Variants in BRD10 observed in about 807,000 individuals in gnomAD.
BRD10 encodes bromodomain containing 10.
the BRD10 span, among the ~76,000 whole-genome samples, chr9:5,945,884 T>C: frequency 6.6e-6 from 1 of 152,092 alleles, no homozygotes; most frequent in African/African-American, 2.4e-5. Context: ...CTTATTGTAA[T>C]GTTTATACCA....
At chr9:5,920,139 C>A in the BRD10 span, 1 of 1,613,870 alleles carries the variant, frequency 6.2e-7, no homozygotes, top group Admixed American at 1.7e-5. Flanking sequence ...AGAGGTTGGC[C>A]ACTTAAGGAA....
At chr9:5,961,040 AG>A in the BRD10 span, among the ~76,000 whole-genome samples, 7 of 152,226 alleles carry the variant, frequency 4.6e-5, no homozygotes, top group Non-Finnish European at 8.8e-5. Context: ...AGTTAGTTTT[AG>A]TTACATCTAG....
chr9:5,907,048 C>T, the BRD10 span: 2 of 1,185,250 alleles, frequency 1.7e-6, no homozygotes, highest in South Asian at 2.9e-5. Context: ...CTGTTTTTAA[C>T]TCAAGTGAAT....
At chr9:5,942,533 T>C in the BRD10 span, among the ~76,000 whole-genome samples, 8 of 152,248 alleles carry the variant, frequency 5.3e-5, no homozygotes, top group Non-Finnish European at 1.2e-4. Flanking sequence ...TAAGGAACAA[T>C]AGATGCAAAC....
chr9:5,922,360 C>A, the BRD10 span: 1 of 1,613,930 alleles, frequency 6.2e-7, no homozygotes. Flanking sequence ...AAACTGCATT[C>A]TTGGCTTTTC....
the BRD10 span, among the ~76,000 whole-genome samples, chr9:5,912,005 GTCTT>G: frequency 1.3e-5 from 2 of 152,152 alleles, no homozygotes; most frequent in Non-Finnish European, 2.9e-5. Flanking sequence ...CAATAATTGA[GTCTT>G]TCAATCTGTA....
chr9:5,879,580 C>T, the BRD10 span, among the ~76,000 whole-genome samples: 1 of 152,124 alleles, frequency 6.6e-6, no homozygotes, highest in Admixed American at 6.5e-5. Flanking sequence ...CCTTGATGAC[C>T]GCCCACACTG....
the BRD10 span, chr9:5,910,689 A>G: frequency 2.6e-5 from 4 of 152,344 alleles, no homozygotes; most frequent in Middle Eastern, 3.4e-3. Context: ...GGTGATGGAC[A>G]TGGAGACTTG....
chr9:5,883,014 T>TG, the BRD10 span, among the ~76,000 whole-genome samples: 1 of 150,674 alleles, frequency 6.6e-6, no homozygotes, highest in African/African-American at 2.5e-5. Flanking sequence ...TGTTGTGGAG[T>TG]GGGGGGCTGG....
the BRD10 span, among the ~76,000 whole-genome samples, chr9:5,910,861 GTGT>G: frequency 6.6e-6 from 1 of 152,230 alleles, no homozygotes; most frequent in African/African-American, 2.4e-5. Flanking sequence ...TGGGAGCCAT[GTGT>G]TAAGGATGGA....
chr9:5,928,899 A>G, the BRD10 span: 33 of 480,494 alleles, frequency 6.9e-5, no homozygotes, highest in African/African-American at 5.6e-4. Flanking sequence ...AGGGCTTAGA[A>G]AGAGCCTTGC....
chr9:5,892,458 T>G, the BRD10 span: 1 of 1,609,946 alleles, frequency 6.2e-7, no homozygotes, highest in Non-Finnish European at 8.5e-7. Flanking sequence ...AGGTGTCCTG[T>G]GCCCTGACCC....
At chr9:5,921,280 A>T in the BRD10 span, 6 of 1,613,998 alleles carry the variant, frequency 3.7e-6, no homozygotes, top group East Asian at 2.2e-5. Context: ...CAATTTTCAC[A>T]TCCTTTATCT....
chr9:5,990,028 A>G, the BRD10 span, among the ~76,000 whole-genome samples: 2 of 152,216 alleles, frequency 1.3e-5, no homozygotes, highest in African/African-American at 4.8e-5. Context: ...TTATACGGTG[A>G]TAACACTATA....
At chr9:5,892,039 A>T in the BRD10 span, among the ~76,000 whole-genome samples, 1 of 152,206 alleles carries the variant, frequency 6.6e-6, no homozygotes, top group Non-Finnish European at 1.5e-5. Flanking sequence ...GGAGAAAAAT[A>T]ACTCCTCTAA....
chr9:5,954,157 C>A, the BRD10 span: 2 of 853,368 alleles, frequency 2.3e-6, no homozygotes, highest in South Asian at 1.5e-5. Flanking sequence ...TAACAAAAAA[C>A]AAATTACGCA....
chr9:6,002,776 G>C, the BRD10 span, among the ~76,000 whole-genome samples: 1 of 150,622 alleles, frequency 6.6e-6, no homozygotes, highest in South Asian at 2.1e-4. Flanking sequence ...TTCCAGGTTT[G>C]AGTGATTCTC....
chr9:5,920,680 T>C, the BRD10 span: 1 of 1,613,992 alleles, frequency 6.2e-7, no homozygotes. Flanking sequence ...ATACAGAACG[T>C]GTGGCTCCTG....
the BRD10 span, among the ~76,000 whole-genome samples, chr9:5,981,481 A>G: frequency 6.6e-6 from 1 of 152,194 alleles, no homozygotes; most frequent in African/African-American, 2.4e-5. Context: ...ACCAACACTG[A>G]CAGATACGAC....
Sources: allele counts gnomAD v4.1 joint callset (sites outside exome capture counted in the v4.1 genomes callset), GRCh38; gene constraint gnomAD v4.1.1; transcripts MANE v1.5; gene names NCBI Gene and HGNC (gene_info 2026-07-23, HGNC 2026-07-21).